The following PTDSS1 variants were observed in gnomAD, a reference collection of about 807,000 sequenced individuals.
The protein encoded by PTDSS1 is phosphatidylserine synthase 1.
Under a neutral mutation model 70.5 loss-of-function variants are expected in PTDSS1, and 45 were observed. The ratio of observed to expected loss-of-function variants is 0.64; its 90% CI spans 0.50 to 0.82. PTDSS1 has a LOEUF of 0.82. Ranked by LOEUF, PTDSS1 falls within the 40% of genes least tolerant of loss-of-function variation. The pLI, the probability that PTDSS1 is intolerant of heterozygous loss-of-function variation, is 0.00. For synonymous variants in PTDSS1, 188 were observed against 203.8 expected (o/e 0.92, Z 0.66); for missense variants, 417 against 586.1 (o/e 0.71, Z 2.98).
At chr8:96,292,016 C>T (rs1314504939) in intron 4 of PTDSS1, among the ~76,000 whole-genome samples, 1 of 152,082 alleles carries the variant, frequency 6.6e-6, no homozygotes, top group Non-Finnish European at 1.5e-5. Context: ...CATGGTGGCT[C>T]ATGCCTGTAA....
intron 9 of PTDSS1, among the ~76,000 whole-genome samples, chr8:96,310,304 A>G (rs910169911): frequency 1.1e-4 from 17 of 150,556 alleles, no homozygotes; most frequent in African/African-American, 4.2e-4. Flanking sequence ...AGCTGGGATT[A>G]CAGGTGCGCA....
chr8:96,285,210 A>C (rs983952495), intron 3 of PTDSS1, among the ~76,000 whole-genome samples: 1 of 152,216 alleles, frequency 6.6e-6, no homozygotes, highest in Non-Finnish European at 1.5e-5. Context: ...ACTGTCATAC[A>C]AAGAAGGATC....
intron 2 of PTDSS1, among the ~76,000 whole-genome samples, chr8:96,275,035 G>A (rs758311862): frequency 7.2e-5 from 11 of 152,150 alleles, no homozygotes; most frequent in Non-Finnish European, 1.3e-4. Flanking sequence ...CTTTTCCATA[G>A]GGATTGATGG....
chr8:96,333,371 C>G (rs2130194528), intron 12 of PTDSS1, 86 bp from the exon 13 acceptor site: 1 of 1,220,538 alleles, frequency 8.2e-7, no homozygotes, highest in Non-Finnish European at 1.2e-6. Flanking sequence ...GAACCTGTTC[C>G]CCGGCAAGCC....
chr8:96,296,315 T>A (rs1386449939), intron 5 of PTDSS1, among the ~76,000 whole-genome samples: 1 of 151,942 alleles, frequency 6.6e-6, no homozygotes, highest in Non-Finnish European at 1.5e-5. Flanking sequence ...ATTTTTGGTA[T>A]TTTTAGTAGA....
Position 96,287,119 on chromosome 8 carries a change from A to C in PTDSS1, c.414A>C (p.Arg138=). ...SLMYWLDPNL[R]YATREADVME... ...TGTATTGGCTAGATCCAAATCTTCG[A>C]TACGCCACAAGGGAAGCAGATGTCA... is the stretch of plus-strand genomic sequence containing the variant. Residue 138 remains arginine (R), a synonymous_variant, in exon 4 of 13, where the codon CGA becomes CGC. Coordinates refer to ENST00000517309, the MANE Select transcript of PTDSS1 (RefSeq NM_014754.3). 1 of 1,614,210 alleles carries C rather than the reference A, an allele frequency of 6.2e-7. No individual in the cohort carries two copies. The highest frequency in any genetic ancestry group is 2.2e-5 in the East Asian group (1 of 44,886).
chr8:96,296,499 T>G (rs549926115), intron 5 of PTDSS1, among the ~76,000 whole-genome samples: 8 of 152,316 alleles, frequency 5.3e-5, no homozygotes, highest in Non-Finnish European at 1.2e-4. Context: ...CAAGTCATAT[T>G]GGATTAGCAG....
At chr8:96,306,601 C>A in intron 8 of PTDSS1, 45 bp downstream of exon 8, 1 of 1,430,952 alleles carries the variant, frequency 7.0e-7, no homozygotes, top group Non-Finnish European at 9.8e-7. Context: ...CATTAACTTG[C>A]TTTAGATTGT....
chr8:96,295,341 G>C, intron 5 of PTDSS1, 85 bp downstream of exon 5: 1 of 1,372,316 alleles, frequency 7.3e-7, no homozygotes, highest in South Asian at 1.7e-5. Flanking sequence ...TTAACAGTCA[G>C]TTAATCCGTT....
chr8:96,326,014 C>A (rs1028150301), intron 10 of PTDSS1, among the ~76,000 whole-genome samples: 1 of 152,142 alleles, frequency 6.6e-6, no homozygotes, highest in African/African-American at 2.4e-5. Context: ...CACCACGAAA[C>A]CTCCCAGATG....
chr8:96,296,167 G>C (rs1328387555), intron 5 of PTDSS1, among the ~76,000 whole-genome samples: 1 of 118,656 alleles, frequency 8.4e-6, no homozygotes, highest in Admixed American at 1.1e-4. Flanking sequence ...TTGCGACAGA[G>C]TCTTGCTCTC....
chr8:96,282,922 C>G (rs1810761320), intron 2 of PTDSS1, among the ~76,000 whole-genome samples: 1 of 152,146 alleles, frequency 6.6e-6, no homozygotes, highest in Non-Finnish European at 1.5e-5. Context: ...CAGAGCTGTT[C>G]TAAGGAGGAA....
At chr8:96,309,494 A>G in intron 8 of PTDSS1, 63 bp from the exon 9 acceptor site, 1 of 1,464,398 alleles carries the variant, frequency 6.8e-7, no homozygotes, top group South Asian at 1.1e-5. Context: ...AAAGTGATTT[A>G]ATTATGTGCT....
chr8:96,315,156 A>G (rs1157165942), intron 9 of PTDSS1, among the ~76,000 whole-genome samples: 1 of 152,236 alleles, frequency 6.6e-6, no homozygotes, highest in Non-Finnish European at 1.5e-5. Context: ...AATCAGAACT[A>G]GAAGCTCACT....
chr8:96,333,975 T>C lies in PTDSS1; in HGVS notation c.*409T>C, dbSNP rs1310756088. On this transcript the variant is annotated 3_prime_UTR_variant, in exon 13 of 13. Transcript: ENST00000517309. ...GGACTGGTCACCAGTTTTTATTTTA[T>C]TTTTATGAATCTACCTTTCCATTGA... 1 of 459,304 alleles carries C rather than the reference T, an allele frequency of 2.2e-6. No individual in the cohort carries two copies. The highest frequency in any genetic ancestry group is 3.8e-5 in the Admixed American group (1 of 26,046). The allele number at this position is 459,304 out of a possible 1,614,324, so 28.5% of individuals were successfully genotyped here.
At chr8:96,330,862 C>G in intron 11 of PTDSS1, 164 bp from the exon 12 acceptor site, 2 of 594,194 alleles carry the variant, frequency 3.4e-6, no homozygotes, top group Non-Finnish European at 6.0e-6. Context: ...AGGAAAGAAC[C>G]TTGTTTTTAT....
At chr8:96,320,379 T>TA (rs767178770) in intron 10 of PTDSS1, 34 bp downstream of exon 10, 2 of 1,518,346 alleles carry the variant, frequency 1.3e-6, no homozygotes, top group South Asian at 2.3e-5. Flanking sequence ...AGGCATTAGC[T>TA]AAACTCTCAT....
At chr8:96,278,238 G>A (rs577092970) in intron 2 of PTDSS1, among the ~76,000 whole-genome samples, 2 of 152,338 alleles carry the variant, frequency 1.3e-5, no homozygotes, top group South Asian at 4.1e-4. Context: ...TTCTCAACCA[G>A]TTCCAAGGAC....
intron 4 of PTDSS1, among the ~76,000 whole-genome samples, chr8:96,293,675 C>G (rs191499128): frequency 4.6e-5 from 7 of 152,336 alleles, no homozygotes; most frequent in Admixed American, 4.6e-4. Context: ...TTTTAAAATG[C>G]CTTTCCGCAT....
Sources: gnomAD v4.1 joint callset for allele counts (sites outside exome capture counted in the v4.1 genomes callset) on GRCh38, gnomAD v4.1.1 for gene constraint, MANE v1.5 for transcripts, NCBI Gene and HGNC (gene_info 2026-07-23, HGNC 2026-07-21) for gene names.